Variants in IGSF11 observed in about 807,000 individuals in gnomAD.
IGSF11 encodes immunoglobulin superfamily member 11, also known as CXADR like 1.
In IGSF11, 22 loss-of-function variants were observed where a neutral mutation model predicts 41.0. The observed-to-expected ratio is 0.54, with a 90% CI of 0.38 to 0.77. IGSF11 has a LOEUF of 0.77. Ranked by LOEUF, IGSF11 falls within the 30% of genes least tolerant of loss-of-function variation. IGSF11 has a pLI of 0.00. For synonymous variants in IGSF11, 219 were observed against 201.3 expected (o/e 1.09, Z -0.74); for missense variants, 444 against 530.8 (o/e 0.84, Z 1.61).
intron 1 of IGSF11, among the ~76,000 whole-genome samples, chr3:119,142,877 T>C (rs2077668377): frequency 6.6e-6 from 1 of 152,138 alleles, no homozygotes; most frequent in Admixed American, 6.5e-5. Context: ...TCCTCACATA[T>C]TAAGATACTG....
rs112045867 is a variant in IGSF11, at chr3:118,901,033, G to C, written c.*1487C>G. ...GAGCAAAAAGTATGGTGGTAAGAGG[G>C]AGTAAGAGAACACATCCAGAAAGAA... is the stretch of plus-strand genomic sequence containing the variant. On this transcript the variant is annotated 3_prime_UTR_variant, in exon 7 of 7. Transcript: ENST00000393775. 3,348 of 152,690 alleles carry C rather than the reference G, an allele frequency of 0.022. 57 individuals carry two copies. Among genetic ancestry groups the C allele is most frequent in the Admixed American group, 0.05 (764 of 15,280 alleles). 9.5% of individuals were successfully genotyped at this position (152,690 alleles called of 1,614,324 possible). A position where few individuals can be genotyped will look rare whatever the true frequency, so the allele number is the denominator to read the frequency against.
chr3:118,958,755 T>C (rs1454332400), intron 1 of IGSF11, among the ~76,000 whole-genome samples: 1 of 152,238 alleles, frequency 6.6e-6, no homozygotes, highest in African/African-American at 2.4e-5. Flanking sequence ...GTGTGTTTTA[T>C]AATAGATGTT....
At chr3:119,003,492 C>G (rs1937123850) in intron 1 of IGSF11, among the ~76,000 whole-genome samples, 1 of 150,936 alleles carries the variant, frequency 6.6e-6, no homozygotes, top group Non-Finnish European at 1.5e-5. Context: ...TTGCCCTGGC[C>G]AGAACTTCCA....
rs1009093316 is a variant in IGSF11 at position 119,083,188 on chromosome 3, A to T, written c.49+21956T>A. On this transcript the variant is annotated intron_variant, in intron 1 of 6. Coordinates refer to the IGSF11 transcript ENST00000354673. The stretch of plus-strand genomic sequence containing the variant: ...AATCCTGTTGCCCAGGGTGGAGTGC[A>T]GTGGCATGATCTTGCTGCGGCCTCG... Among the ~76,000 whole-genome samples, 5 of 141,284 alleles carry T rather than the reference A, an allele frequency of 3.5e-5. No individual in the cohort carries two copies. In the South Asian group the frequency reaches 1.1e-3, roughly 30 times the overall value. The allele number at this position is 141,284 out of a possible 152,430, so 92.7% of individuals were successfully genotyped here.
At position 118,928,667 on chromosome 3, in the gene IGSF11, T is replaced by A; in HGVS notation, c.266A>T (p.His89Leu). The change falls in exon 3 of 7, where the codon CAC becomes CTC. Residue 89 changes from histidine to leucine, a missense_variant. By Grantham distance (99) the His-to-Leu change is moderately conservative. Around this residue, in one of 3 missense-constraint regions of IGSF11, gnomAD observed 193 missense variants for 283.5 expected, o/e 0.68. Coordinates refer to ENST00000393775, the MANE Select transcript of IGSF11 (RefSeq NM_001015887.3). ...GQMFDGAPRFHGRVGFTGTMP... is the reference protein window; with the variant it reads ...GQMFDGAPRFLGRVGFTGTMP... ...GGTGCCTGTAAATCCTACCCTACCGTGGAACCGGGGGGCACCATCAAACAT... is the reference window on the plus strand; with the variant it reads ...GGTGCCTGTAAATCCTACCCTACCGAGGAACCGGGGGGCACCATCAAACAT... The A allele has an allele frequency of 1.2e-6, 2 of 1,614,038 alleles. No homozygotes were observed. Among genetic ancestry groups the A allele is most frequent in the South Asian group, 2.2e-5 (2 of 91,074 alleles).
intron 1 of IGSF11, among the ~76,000 whole-genome samples, chr3:119,068,102 C>T (rs191154253): frequency 6.6e-6 from 1 of 152,324 alleles, no homozygotes; most frequent in Non-Finnish European, 1.5e-5. Flanking sequence ...AGCTTTCCCT[C>T]ACTGCTACAA....
chr3:119,091,125 A>G (rs1435648388), intron 1 of IGSF11, among the ~76,000 whole-genome samples: 1 of 152,256 alleles, frequency 6.6e-6, no homozygotes, highest in Non-Finnish European at 1.5e-5. Context: ...ACTAGTCATC[A>G]GAGAAATGAC....
chr3:119,085,164 C>A (rs1031893765), intron 1 of IGSF11, among the ~76,000 whole-genome samples: 2 of 152,228 alleles, frequency 1.3e-5, no homozygotes, highest in African/African-American at 4.8e-5. Flanking sequence ...CTCTCTCCCC[C>A]TCATACCATA....
chr3:119,064,317 CTG>C (rs1942150456), intron 1 of IGSF11, among the ~76,000 whole-genome samples: 1 of 152,128 alleles, frequency 6.6e-6, no homozygotes, highest in South Asian at 2.1e-4. Context: ...TTTAAAACAA[CTG>C]CAGCATAGCC....
At chr3:119,126,291 C>T (rs934680588) in intron 1 of IGSF11, among the ~76,000 whole-genome samples, 2 of 152,204 alleles carry the variant, frequency 1.3e-5, no homozygotes, top group East Asian at 1.9e-4. Context: ...CTAACCCTGA[C>T]CCATCCTTCC....
chr3:119,067,735 C>A (rs1211864643), intron 1 of IGSF11, among the ~76,000 whole-genome samples: 3 of 152,112 alleles, frequency 2.0e-5, no homozygotes, highest in African/African-American at 7.2e-5. Flanking sequence ...ATTTTGGTCT[C>A]CGTGAAGTCC....
Position 118,954,687 on chromosome 3 carries a change from A to G in IGSF11, c.53-24412T>C, listed in dbSNP as rs1424262016. Among the ~76,000 whole-genome samples, 3 of 152,234 alleles carry G rather than the reference A, an allele frequency of 2.0e-5. No homozygotes were observed. The South Asian group carries it at 6.2e-4, about 32-fold the overall frequency. On this transcript the variant is annotated intron_variant, in intron 1 of 6. Coordinates refer to ENST00000393775, the MANE Select transcript of IGSF11 (RefSeq NM_001015887.3). ...AACAGCCAAATTGTGAATGAAAAGGATAAGTTGTGTGTTCACTGGAGTAGC... is the reference window on the plus strand; with the variant it reads ...AACAGCCAAATTGTGAATGAAAAGGGTAAGTTGTGTGTTCACTGGAGTAGC...
intron 1 of IGSF11, among the ~76,000 whole-genome samples, chr3:119,136,623 TATA>T (rs1383924611): frequency 6.6e-6 from 1 of 152,112 alleles, no homozygotes; most frequent in Non-Finnish European, 1.5e-5. Flanking sequence ...AGCAAAAGTA[TATA>T]ACAATCATAA....
At chr3:119,128,896 CA>C (rs763664165) in intron 1 of IGSF11, among the ~76,000 whole-genome samples, 3 of 152,092 alleles carry the variant, frequency 2.0e-5, no homozygotes, top group Non-Finnish European at 4.4e-5. Context: ...TTACAATAGC[CA>C]GGACATGGAA....
chr3:119,107,859 G>T (rs1168084610), upstream of IGSF11, among the ~76,000 whole-genome samples: 32 of 148,264 alleles, frequency 2.2e-4, no homozygotes, highest in African/African-American at 7.9e-4. Context: ...TTTCCCCATT[G>T]CTTGTTTTTC....
At chr3:119,048,718 C>T (rs1239211055) in intron 1 of IGSF11, among the ~76,000 whole-genome samples, 1 of 151,992 alleles carries the variant, frequency 6.6e-6, no homozygotes, top group Non-Finnish European at 1.5e-5. Context: ...AGACCAATAT[C>T]CTTGATAAAC....
chr3:118,979,104 A>G (rs1013545558), intron 1 of IGSF11, among the ~76,000 whole-genome samples: 3 of 152,208 alleles, frequency 2.0e-5, no homozygotes, highest in African/African-American at 7.2e-5. Flanking sequence ...AAAAAGATAT[A>G]AATAGAAACT....
upstream of IGSF11, among the ~76,000 whole-genome samples, chr3:119,038,314 T>A (rs1217920442): frequency 1.3e-5 from 2 of 152,212 alleles, no homozygotes; most frequent in Non-Finnish European, 2.9e-5. Context: ...AACGTAGATA[T>A]ATTGATATCT....
chr3:119,087,258 T>C (rs937283009), intron 1 of IGSF11, among the ~76,000 whole-genome samples: 3 of 152,142 alleles, frequency 2.0e-5, no homozygotes, highest in African/African-American at 7.2e-5. Context: ...GAAGTCATTA[T>C]ATGAAAAAGA....
Sources: gnomAD v4.1 joint callset for allele counts (sites outside exome capture counted in the v4.1 genomes callset) on GRCh38, gnomAD v4.1.1 for gene constraint, gnomAD v4.1.1 regional missense constraint, MANE v1.5 for transcripts, NCBI Gene and HGNC (gene_info 2026-07-23, HGNC 2026-07-21) for gene names.